Variants in ZCCHC14 observed in about 807,000 individuals in gnomAD.
The protein encoded by ZCCHC14 is zinc finger CCHC-type containing 14, also known as zinc finger CCHC domain-containing protein 14.
Under a neutral mutation model 85.0 loss-of-function variants are expected in ZCCHC14, and 16 were observed. The ratio of observed to expected loss-of-function variants is 0.19; its 90% CI spans 0.13 to 0.29. The LOEUF is 0.29. Among genes scored for constraint, ZCCHC14 ranks in the 10% least tolerant of loss-of-function variants. The pLI, the probability that ZCCHC14 is intolerant of heterozygous loss-of-function variation, is 1.00. For missense variants in ZCCHC14, 1,303 were observed against 1,443.5 expected, an observed-to-expected ratio of 0.90 and a Z score of 1.58; for synonymous variants, 775 against 630.7, an observed-to-expected ratio of 1.23 and a Z score of -3.43.
chr16:87,465,377 C>T (rs1390111791), intron 1 of ZCCHC14, among the ~76,000 whole-genome samples: 1 of 152,234 alleles, frequency 6.6e-6, no homozygotes, highest in Non-Finnish European at 1.5e-5. Context: ...CAAACAAAAA[C>T]TTCTGCAATC....
chr16:87,412,394 A>C lies in ZCCHC14; in HGVS notation c.2327T>G (p.Leu776Arg), dbSNP rs750693065. ...AGCAGGAACAGATGACGACAGCAGCAGTTTGATGGGCGGACGGGCGGCGTG... is the reference window on the plus strand; with the variant it reads ...AGCAGGAACAGATGACGACAGCAGCCGTTTGATGGGCGGACGGGCGGCGTG... ...VLHAARPPIKLLLSSSVPADS... is the reference protein window; with the variant it reads ...VLHAARPPIKRLLSSSVPADS... Residue 776 changes from leucine (L) to arginine (R), a missense_variant, in exon 12 of 13, where the codon CTG becomes CGG. Around this residue, in one of 7 missense-constraint regions of ZCCHC14, gnomAD observed 797 missense variants for 730.8 expected, o/e 1.09. Transcript: ENST00000671377. 1 of 1,614,112 alleles carries C rather than the reference A, an allele frequency of 6.2e-7. No homozygotes were observed.
Position 87,407,915 on chromosome 16 carries a change from T to A in ZCCHC14, c.*2365A>T, listed in dbSNP as rs1332059142. ...GGCCTCACGGATGGGTGGTTCCATT[T>A]TCTCTGCGCTGTGTAGCTCCTACTT... is the stretch of plus-strand genomic sequence containing the variant. On this transcript the variant is annotated 3_prime_UTR_variant, in exon 13 of 13. Coordinates refer to ENST00000671377, the MANE Select transcript of ZCCHC14 (RefSeq NM_015144.3). 1 of 152,736 alleles carries A rather than the reference T, an allele frequency of 6.5e-6. No homozygotes were observed. Among genetic ancestry groups the A allele is most frequent in the Non-Finnish European group, 1.5e-5 (1 of 68,078 alleles). 9.5% of individuals were successfully genotyped at this position (152,736 alleles called of 1,614,324 possible).
intron 3 of ZCCHC14, among the ~76,000 whole-genome samples, chr16:87,427,385 A>G (rs1162490227): frequency 6.6e-6 from 1 of 152,180 alleles, no homozygotes; most frequent in Non-Finnish European, 1.5e-5. Flanking sequence ...GCGTACTCGG[A>G]GCAGTCAGTG....
At chr16:87,479,390 C>G (rs1912165619) in intron 1 of ZCCHC14, among the ~76,000 whole-genome samples, 2 of 147,722 alleles carry the variant, frequency 1.4e-5, no homozygotes, top group African/African-American at 5.1e-5. Context: ...GCACTCCAGC[C>G]TGGGTGACAA....
At chr16:87,485,536 C>T (rs1422622672) in intron 1 of ZCCHC14, among the ~76,000 whole-genome samples, 3 of 147,646 alleles carry the variant, frequency 2.0e-5, no homozygotes, top group Admixed American at 6.9e-5. Flanking sequence ...TAACTTGCAG[C>T]TACACTTCTT....
In ZCCHC14 at chr16:87,411,620, C is replaced by G; in HGVS notation, c.3101G>C (p.Gly1034Ala). 6.2e-7 allele frequency: 1 copy of G among 1,613,956 alleles called. No individual in the cohort carries two copies. ...GTTCCCGCTCTTTTTGTGACTGGAA[C>G]CATTGCTACTGCCCACCAGTCCTTG... ...QTQGLVGSSN[G>A]SSHKKSGNLS... Residue 1034 changes from glycine to alanine, a missense_variant, in exon 12 of 13, where the codon GGT becomes GCT. This residue lies in a region of ZCCHC14 where 797 missense variants were observed against 730.8 expected (regional missense o/e 1.09). Coordinates refer to ENST00000671377, the MANE Select transcript of ZCCHC14 (RefSeq NM_015144.3).
At chr16:87,457,209 T>G (rs904787519) in intron 2 of ZCCHC14, among the ~76,000 whole-genome samples, 5 of 152,210 alleles carry the variant, frequency 3.3e-5, no homozygotes, top group African/African-American at 4.8e-5. Flanking sequence ...ATGTTCACAA[T>G]AAATAGGTCA....
At chr16:87,421,811 C>A (rs1909112627) in intron 4 of ZCCHC14, among the ~76,000 whole-genome samples, 1 of 152,140 alleles carries the variant, frequency 6.6e-6, no homozygotes, top group Non-Finnish European at 1.5e-5. Flanking sequence ...GCCTCCAGGA[C>A]CCCACTAAGG....
intron 2 of ZCCHC14, among the ~76,000 whole-genome samples, chr16:87,450,170 T>A (rs967462038): frequency 5.3e-5 from 8 of 152,262 alleles, no homozygotes; most frequent in Non-Finnish European, 1.0e-4. Context: ...ACACCGTAGA[T>A]ACTTCCTGCT....
intron 12 of ZCCHC14, 133 bp from the exon 13 acceptor site, chr16:87,410,468 G>A (rs775011460): frequency 1.3e-5 from 7 of 543,790 alleles, no homozygotes; most frequent in South Asian, 1.1e-4. Flanking sequence ...CATCCTGACC[G>A]TTTCTACTCC....
chr16:87,414,753 C>T (rs12917803), intron 9 of ZCCHC14, among the ~76,000 whole-genome samples: 28 of 152,252 alleles, frequency 1.8e-4, no homozygotes, highest in Admixed American at 1.3e-4. Context: ...AAGGTCCTTT[C>T]CTGTCAAACC....
At chr16:87,455,724 G>A (rs961661398) in intron 2 of ZCCHC14, among the ~76,000 whole-genome samples, 1 of 152,192 alleles carries the variant, frequency 6.6e-6, no homozygotes, top group Non-Finnish European at 1.5e-5. Context: ...TGGAGTTGAC[G>A]ATTTTTCGAC....
At chr16:87,416,071 A>T (rs1908768360) in intron 8 of ZCCHC14, among the ~76,000 whole-genome samples, 1 of 151,882 alleles carries the variant, frequency 6.6e-6, no homozygotes, top group Non-Finnish European at 1.5e-5. Flanking sequence ...GATTACAGGC[A>T]CCCACCACCA....
At position 87,459,589 on chromosome 16, in the gene ZCCHC14, G is replaced by A. The variant is rs145572626; in HGVS notation, c.694+419C>T. Among the ~76,000 whole-genome samples the A allele has an allele frequency of 8.8e-3, 1,312 of 149,168 alleles. 8 individuals are homozygous for A. Among genetic ancestry groups the A allele is most frequent in the Middle Eastern group, 0.014 (4 of 284 alleles). ...CAATGGCGTGATCTTGGCTTACCACGACCTCCGCCTCCTGGGTTCAAGCGA... is the reference window on the plus strand; with the variant it reads ...CAATGGCGTGATCTTGGCTTACCACAACCTCCGCCTCCTGGGTTCAAGCGA... On this transcript the variant is annotated intron_variant, in intron 2 of 12. Coordinates refer to ENST00000671377, the MANE Select transcript of ZCCHC14 (RefSeq NM_015144.3).
intron 2 of ZCCHC14, among the ~76,000 whole-genome samples, chr16:87,449,879 T>C (rs963990784): frequency 6.6e-6 from 1 of 152,128 alleles, no homozygotes; most frequent in Non-Finnish European, 1.5e-5. Flanking sequence ...ACCCTGTCTC[T>C]ACAAAAAATA....
intron 1 of ZCCHC14, among the ~76,000 whole-genome samples, chr16:87,480,655 A>T (rs1912226307): frequency 6.6e-6 from 1 of 152,202 alleles, no homozygotes; most frequent in South Asian, 2.1e-4. Context: ...CCTGGGTTTA[A>T]CGGATGCTCC....
At chr16:87,469,025 C>T (rs1045082092) in intron 1 of ZCCHC14, among the ~76,000 whole-genome samples, 7 of 152,162 alleles carry the variant, frequency 4.6e-5, no homozygotes, top group Non-Finnish European at 7.3e-5. Flanking sequence ...GGAATGCCTA[C>T]GATGTCAAGA....
rs781244407 is a variant in ZCCHC14, at chr16:87,433,164, G to A, written c.732C>T (p.His244=). 3.1e-6 allele frequency: 5 copies of A among 1,614,044 alleles called. No homozygotes were observed. The highest frequency in any genetic ancestry group is 4.2e-6 in the Non-Finnish European group (5 of 1,180,028). Residue 244 remains histidine (H), a synonymous_variant, in exon 3 of 13, where the codon CAC becomes CAT. Coordinates refer to ENST00000671377, the MANE Select transcript of ZCCHC14 (RefSeq NM_015144.3). ...ATTCAACATTTCTGTCATTTTTTGT[G>A]TGTGATAATCCCTTCAGGTCTATCT... is the stretch of plus-strand genomic sequence containing the variant. ...VEKIDLKGLS[H]TKNDRNVECS...
chr16:87,470,398 T>G (rs937764758), intron 1 of ZCCHC14: 5 of 152,150 alleles, frequency 3.3e-5, no homozygotes, highest in Admixed American at 2.0e-4. Flanking sequence ...TTTAATTACT[T>G]GGACTACAGT....
Sources: allele counts gnomAD v4.1 joint callset (sites outside exome capture counted in the v4.1 genomes callset), GRCh38; gene constraint gnomAD v4.1.1; regional missense constraint gnomAD v4.1.1; transcripts MANE v1.5; gene names NCBI Gene and HGNC (gene_info 2026-07-23, HGNC 2026-07-21).